Variants in ADD1 observed in about 807,000 individuals in gnomAD.
The protein encoded by ADD1 is alpha-adducin.
Under a neutral mutation model 80.5 loss-of-function variants are expected in ADD1, and 24 were observed. The ratio of observed to expected loss-of-function variants is 0.30; its 90% CI spans 0.22 to 0.42. The LOEUF is 0.42. ADD1 is among the 10% of genes least tolerant of loss of function. The probability of loss-of-function intolerance (pLI) is 1.00; values close to 1 mark genes in which losing one functional copy is unlikely to be tolerated. For synonymous variants in ADD1, 373 were observed against 393.8 expected, an observed-to-expected ratio of 0.95 and a Z score of 0.63; for missense variants, 948 against 1,019.0, an observed-to-expected ratio of 0.93 and a Z score of 0.95.
intron 4 of ADD1, among the ~76,000 whole-genome samples, chr4:2,890,397 A>T (rs184205743): frequency 6.6e-6 from 1 of 152,212 alleles, no homozygotes; most frequent in Admixed American, 6.5e-5. Context: ...CATTTTATAG[A>T]CATCAGATTT....
intron 1 of ADD1, among the ~76,000 whole-genome samples, chr4:2,848,761 G>C (rs1465337323): frequency 1.3e-5 from 2 of 152,054 alleles, no homozygotes; most frequent in Non-Finnish European, 2.9e-5. Flanking sequence ...ACAGGCATGA[G>C]TCACTGCACC....
At chr4:2,911,448 A>ATTTTTTTTTTTT (rs33935514) in intron 13 of ADD1, among the ~76,000 whole-genome samples, 1 of 130,504 alleles carries the variant, frequency 7.7e-6, no homozygotes. Flanking sequence ...ATATATATAT[A>ATTTTTTTTTTTT]TTTTTTTTTT....
chr4:2,904,332 A>C (rs566295953), intron 9 of ADD1, among the ~76,000 whole-genome samples: 2 of 152,322 alleles, frequency 1.3e-5, no homozygotes, highest in African/African-American at 4.8e-5. Flanking sequence ...CTCCCAGGAC[A>C]ACCAAAACAA....
At chr4:2,914,690 A>G (rs1464235743) in intron 13 of ADD1, 194 bp from the exon 14 acceptor site, 23 of 565,742 alleles carry the variant, frequency 4.1e-5, no homozygotes, top group Middle Eastern at 9.5e-4. Flanking sequence ...TCATCGTGGC[A>G]CTGACCTGTG....
chr4:2,844,653 T>C (rs1334942038), intron 1 of ADD1: 3 of 152,216 alleles, frequency 2.0e-5, no homozygotes, highest in Non-Finnish European at 4.4e-5. Context: ...TTTGCTCTTG[T>C]AATGGCTCAA....
In ADD1 at chr4:2,926,332, T is replaced by C; in HGVS notation, c.2047+220T>C. The C allele has an allele frequency of 1.4e-6, 1 of 705,788 alleles. No homozygotes were observed. Among genetic ancestry groups the C allele is most frequent in the Non-Finnish European group, 2.6e-6 (1 of 389,138 alleles). 43.7% of individuals were successfully genotyped at this position (705,788 alleles called of 1,614,324 possible). ...CTGTGACCAGGTAGGAAGGCCGGCC[T>C]CGGGGGTCGGAACCCACCATGGTTG... On this transcript the variant is annotated intron_variant, in intron 15 of 15. Transcript: ENST00000683351. This position sits in a 1 kb window ranked among gnomAD's most constrained non-coding sequence, Gnocchi z 5.0.
In ADD1 at chr4:2,926,436, C is replaced by A; in HGVS notation, c.2047+324C>A. 1.4e-6 allele frequency: 1 copy of A among 694,260 alleles called. No homozygotes were observed. The highest frequency in any genetic ancestry group is 2.6e-6 in the Non-Finnish European group (1 of 384,056). 43.0% of individuals were successfully genotyped at this position (694,260 alleles called of 1,614,324 possible). On this transcript the variant is annotated intron_variant, in intron 15 of 15. Coordinates refer to ENST00000683351, the MANE Select transcript of ADD1 (RefSeq NM_001354761.2). The surrounding 1 kb of genome is among the most constrained non-coding windows in gnomAD (Gnocchi z 5.0). ...AGATGCCACCTTCGGAGGTGCCCTC[C>A]GCTGTGTGAGCCACACGCCGGCTGC...
intron 1 of ADD1, among the ~76,000 whole-genome samples, chr4:2,858,403 C>CA (rs1321990595): frequency 1.3e-5 from 2 of 152,148 alleles, no homozygotes; most frequent in African/African-American, 4.8e-5. Flanking sequence ...CTGAAATAGA[C>CA]AGAGATGAAG....
At chr4:2,919,243 A>G (rs1227944502) in intron 14 of ADD1, among the ~76,000 whole-genome samples, 1 of 152,108 alleles carries the variant, frequency 6.6e-6, no homozygotes, top group African/African-American at 2.4e-5. Context: ...CCAGTATTTC[A>G]TTGAGGATTT....
At chr4:2,852,055 C>T (rs1049520611) in intron 1 of ADD1, among the ~76,000 whole-genome samples, 16 of 151,968 alleles carry the variant, frequency 1.1e-4, no homozygotes, top group Non-Finnish European at 1.9e-4. Context: ...AGGCTGGTCT[C>T]GAACTCCTGA....
intron 10 of ADD1, 184 bp from the exon 11 acceptor site, chr4:2,907,559 T>C (rs1026862706): frequency 1.4e-5 from 8 of 552,984 alleles, no homozygotes; most frequent in Non-Finnish European, 2.3e-5. Context: ...AACTGGTCTT[T>C]ATGTGGCTGC....
intron 1 of ADD1, among the ~76,000 whole-genome samples, chr4:2,863,429 G>A (rs1023688466): frequency 2.0e-5 from 3 of 151,974 alleles, no homozygotes; most frequent in Non-Finnish European, 4.4e-5. Context: ...ATAATTAGAA[G>A]CAAATTATAT....
At chr4:2,909,110 C>T in intron 12 of ADD1, 1 of 557,300 alleles carries the variant, frequency 1.8e-6, no homozygotes, top group South Asian at 2.2e-5. Context: ...ACTAATATGC[C>T]ACCTAATGCT....
chr4:2,901,483 G>C (rs747704345), intron 9 of ADD1: 1 of 152,222 alleles, frequency 6.6e-6, no homozygotes, highest in Non-Finnish European at 1.5e-5. Context: ...TGTTTACTCA[G>C]TGTCCTTAAT....
At chr4:2,869,106 C>T (rs1730017143) in intron 1 of ADD1, among the ~76,000 whole-genome samples, 1 of 152,128 alleles carries the variant, frequency 6.6e-6, no homozygotes, top group Non-Finnish European at 1.5e-5. Context: ...TCACGTTTTA[C>T]CTCTGAAATC....
intron 2 of ADD1, 196 bp downstream of exon 2, chr4:2,876,306 G>A: frequency 2.1e-6 from 1 of 474,052 alleles, no homozygotes; most frequent in Non-Finnish European, 3.6e-6. Flanking sequence ...AAAATCTTCA[G>A]TGTCGTAAAG....
intron 9 of ADD1, among the ~76,000 whole-genome samples, chr4:2,903,816 C>T (rs919214614): frequency 6.6e-6 from 1 of 152,142 alleles, no homozygotes; most frequent in Admixed American, 6.5e-5. Context: ...ACCGTCCATG[C>T]CCTTAGAGAT....
chr4:2,907,908 T>C lies in ADD1; in HGVS notation c.1608+64T>C. On this transcript the variant is annotated intron_variant, in intron 11 of 15. Coordinates refer to ENST00000683351, the MANE Select transcript of ADD1 (RefSeq NM_001354761.2). Reference sequence around the variant, plus strand: ...GGGATTGGAAGGGATGCCAGCTGCTTTGGGGGGAGCGGGTGCTTGCTTCTA... The same window carrying C: ...GGGATTGGAAGGGATGCCAGCTGCTCTGGGGGGAGCGGGTGCTTGCTTCTA... The C allele has an allele frequency of 3.7e-6, 5 of 1,353,762 alleles. No homozygotes were observed. The South Asian group carries it at 4.7e-5, about 13-fold the overall frequency. The allele number at this position is 1,353,762 out of a possible 1,614,324, so 83.9% of individuals were successfully genotyped here. A position where few individuals can be genotyped will look rare whatever the true frequency, so the allele number is the denominator to read the frequency against.
rs189692212 is a variant in ADD1, at chr4:2,902,854, G to C, written c.1162-1910G>C. 12 of 151,832 alleles carry C rather than the reference G, an allele frequency of 7.9e-5. No individual in the cohort carries two copies. In the South Asian group the frequency reaches 2.1e-3, roughly 26 times the overall value. 9.4% of individuals were successfully genotyped at this position (151,832 alleles called of 1,614,324 possible). A position where few individuals can be genotyped will look rare whatever the true frequency, so the allele number is the denominator to read the frequency against. On this transcript the variant is annotated intron_variant, in intron 9 of 15. Transcript: ENST00000683351. The stretch of plus-strand genomic sequence containing the variant: ...GTCCTGGCTAATACAGTGAAACTCC[G>C]TCTCTACTAAAAATGCAAAAAATTA...
Sources: allele counts gnomAD v4.1 joint callset (sites outside exome capture counted in the v4.1 genomes callset), GRCh38; gene constraint gnomAD v4.1.1; non-coding constraint Gnocchi (gnomAD v3.1); transcripts MANE v1.5; gene names NCBI Gene and HGNC (gene_info 2026-07-23, HGNC 2026-07-21).